STX8: variants seen among roughly 807,000 people sequenced by gnomAD.
The protein encoded by STX8 is syntaxin 8, also known as syntaxin-8.
Under a neutral mutation model 37.5 loss-of-function variants are expected in STX8, and 23 were observed. That is an observed-to-expected ratio of 0.61 (90% CI 0.44 to 0.87). STX8 has a LOEUF of 0.87. Among genes scored for constraint, STX8 ranks in the 40% least tolerant of loss-of-function variants. The pLI is 0.00. For missense variants in STX8, 313 were observed against 284.7 expected, an observed-to-expected ratio of 1.10 and a Z score of -0.71; for synonymous variants, 115 against 99.1, an observed-to-expected ratio of 1.16 and a Z score of -0.95.
intron 6 of STX8, among the ~76,000 whole-genome samples, chr17:9,484,220 G>C (rs897622367): frequency 2.0e-5 from 3 of 152,082 alleles, no homozygotes; most frequent in African/African-American, 7.2e-5. Context: ...ACAATGAATA[G>C]AATAGAGTGC....
intron 6 of STX8, among the ~76,000 whole-genome samples, chr17:9,408,471 C>G (rs1228807522): frequency 6.6e-6 from 1 of 152,194 alleles, no homozygotes; most frequent in Non-Finnish European, 1.5e-5. Context: ...ATCAGTCTTT[C>G]AAGAGCTTTC....
At chr17:9,431,709 G>A (rs943935740) in intron 6 of STX8, among the ~76,000 whole-genome samples, 4 of 152,188 alleles carry the variant, frequency 2.6e-5, no homozygotes, top group African/African-American at 9.7e-5. Context: ...AACAAGGTAA[G>A]GCTCACTTGT....
intron 7 of STX8, among the ~76,000 whole-genome samples, chr17:9,356,188 G>A (rs571610234): frequency 3.9e-5 from 6 of 152,238 alleles, no homozygotes; most frequent in East Asian, 3.9e-4. Flanking sequence ...AAATAGCATC[G>A]TTCCTTCCAG....
intron 6 of STX8, among the ~76,000 whole-genome samples, chr17:9,398,172 G>A (rs1002805001): frequency 2.6e-5 from 4 of 152,120 alleles, no homozygotes; most frequent in African/African-American, 9.7e-5. Context: ...TGTGGAAATG[G>A]GGAAGGAGTA....
At chr17:9,461,574 T>C (rs1214705699) in intron 6 of STX8, among the ~76,000 whole-genome samples, 1 of 152,064 alleles carries the variant, frequency 6.6e-6, no homozygotes, top group Non-Finnish European at 1.5e-5. Context: ...CAGGAGAAAG[T>C]GTGAATTTGC....
intron 7 of STX8, among the ~76,000 whole-genome samples, chr17:9,306,563 A>C (rs1042617115): frequency 6.6e-6 from 1 of 150,396 alleles, no homozygotes; most frequent in African/African-American, 2.5e-5. Context: ...CAGCCTGGCC[A>C]ACATGGTGAA....
chr17:9,335,405 C>T lies in STX8; in HGVS notation c.643+43147G>A, dbSNP rs974609105. Among the ~76,000 whole-genome samples, 3 of 152,212 alleles carry T rather than the reference C, an allele frequency of 2.0e-5. No homozygotes were observed. The South Asian group carries it at 6.2e-4, about 32-fold the overall frequency. Reference sequence around the variant, plus strand: ...AGTAACCCACTTGGTGATAACAGCACTAATCCACTGATGAGGGCACGGCCC... The same window carrying T: ...AGTAACCCACTTGGTGATAACAGCATTAATCCACTGATGAGGGCACGGCCC... On this transcript the variant is annotated intron_variant, in intron 7 of 7. Transcript: ENST00000306357.
intron 7 of STX8, among the ~76,000 whole-genome samples, chr17:9,262,157 G>A (rs1161614449): frequency 1.3e-5 from 2 of 152,328 alleles, no homozygotes; most frequent in East Asian, 1.9e-4. Flanking sequence ...TTTGTTAAAA[G>A]GAAATCATTT....
chr17:9,377,286 A>T (rs545930419), intron 7 of STX8, among the ~76,000 whole-genome samples: 8 of 151,780 alleles, frequency 5.3e-5, no homozygotes, highest in South Asian at 2.1e-4. Context: ...GGTTTTTTTT[A>T]AATTGCTTTT....
At chr17:9,259,636 G>A (rs932883935) in intron 7 of STX8, among the ~76,000 whole-genome samples, 2 of 152,176 alleles carry the variant, frequency 1.3e-5, no homozygotes, top group Non-Finnish European at 2.9e-5. Context: ...TGCTGGCGGC[G>A]GTCAGCAGGC....
chr17:9,388,628 A>T (rs1018147696), intron 6 of STX8, among the ~76,000 whole-genome samples: 1 of 151,538 alleles, frequency 6.6e-6, no homozygotes, highest in Non-Finnish European at 1.5e-5. Flanking sequence ...ACATGGAGAA[A>T]TGCCATCTGT....
rs1910875570 is a variant in STX8 at position 9,356,159 on chromosome 17, T to C, written c.643+22393A>G. ...AATTACTTAATATGTAGGTGGTAGG[T>C]CCATTTGTCAAGCAGTAGAAATAGC... On this transcript the variant is annotated intron_variant, in intron 7 of 7. Coordinates refer to ENST00000306357, the MANE Select transcript of STX8 (RefSeq NM_004853.3). Among the ~76,000 whole-genome samples the C allele has an allele frequency of 3.9e-5, 6 of 152,292 alleles. No individual in the cohort carries two copies. The South Asian group carries it at 1.2e-3, about 32-fold the overall frequency.
intron 6 of STX8, among the ~76,000 whole-genome samples, chr17:9,431,643 C>T (rs1913988837): frequency 6.6e-6 from 1 of 152,164 alleles, no homozygotes; most frequent in Admixed American, 6.6e-5. Context: ...GACACTGGTG[C>T]TGTGGCTGAA....
intron 6 of STX8, among the ~76,000 whole-genome samples, chr17:9,436,738 T>C (rs1289230090): frequency 6.6e-6 from 1 of 152,208 alleles, no homozygotes; most frequent in Non-Finnish European, 1.5e-5. Context: ...CTCTGGGATG[T>C]AGGGATCTAG....
intron 7 of STX8, among the ~76,000 whole-genome samples, chr17:9,314,776 C>T (rs1909323361): frequency 6.6e-6 from 1 of 151,502 alleles, no homozygotes; most frequent in Admixed American, 6.6e-5. Flanking sequence ...AATGGATTCC[C>T]CTTGGCCAAG....
chr17:9,433,078 T>C (rs1215824171), intron 6 of STX8, among the ~76,000 whole-genome samples: 1 of 152,240 alleles, frequency 6.6e-6, no homozygotes, highest in Admixed American at 6.5e-5. Context: ...AAAATAGTTC[T>C]AGTCCTCTAC....
At chr17:9,366,340 T>G (rs1437204084) in intron 7 of STX8, among the ~76,000 whole-genome samples, 1 of 152,200 alleles carries the variant, frequency 6.6e-6, no homozygotes, top group Non-Finnish European at 1.5e-5. Flanking sequence ...CAAGTGATTC[T>G]CCTGCCTCAG....
At chr17:9,322,814 TAAAA>T (rs59941529) in intron 7 of STX8, among the ~76,000 whole-genome samples, 1 of 64,674 alleles carries the variant, frequency 1.5e-5, no homozygotes, top group African/African-American at 6.3e-5. Context: ...GTGCATTTGC[TAAAA>T]AAAAAAAAAA....
intron 6 of STX8, among the ~76,000 whole-genome samples, chr17:9,448,146 G>C (rs1437196664): frequency 6.9e-6 from 1 of 145,626 alleles, no homozygotes; most frequent in African/African-American, 2.6e-5. Context: ...TTGCACTCCA[G>C]CCTGGGCAAC....
Sources: allele counts gnomAD v4.1 joint callset (sites outside exome capture counted in the v4.1 genomes callset), GRCh38; gene constraint gnomAD v4.1.1; transcripts MANE v1.5; gene names NCBI Gene and HGNC (gene_info 2026-07-23, HGNC 2026-07-21).